Variants in HACD2 observed in about 807,000 individuals in gnomAD.
HACD2 encodes the protein 3-hydroxyacyl-CoA dehydratase 2.
HACD2 carries 15 observed loss-of-function variants against 31.0 expected under a neutral mutation model. The ratio of observed to expected loss-of-function variants is 0.48; its 90% CI spans 0.32 to 0.75. HACD2 has a LOEUF of 0.75. Ranked by LOEUF, HACD2 falls within the 30% of genes least tolerant of loss-of-function variation. The pLI is 0.03. For missense variants in HACD2, 283 were observed against 313.0 expected, an observed-to-expected ratio of 0.90 and a Z score of 0.72; for synonymous variants, 115 against 122.2, an observed-to-expected ratio of 0.94 and a Z score of 0.39.
intron 3 of HACD2, chr3:123,543,796 G>A (rs2056521894): frequency 9.4e-6 from 2 of 212,108 alleles, no homozygotes; most frequent in South Asian, 1.1e-4. Context: ...CAGAATATGG[G>A]GGATTTTTTT....
At chr3:123,502,757 G>A in intron 4 of HACD2, 76 bp from the exon 5 acceptor site, 1 of 1,477,322 alleles carries the variant, frequency 6.8e-7, no homozygotes, top group Non-Finnish European at 9.1e-7. Flanking sequence ...ACCCGGCAGA[G>A]CCAGGGAGTG....
intron 3 of HACD2, among the ~76,000 whole-genome samples, chr3:123,533,763 G>A (rs1302432779): frequency 2.0e-5 from 3 of 152,146 alleles, no homozygotes; most frequent in African/African-American, 4.8e-5. Flanking sequence ...TGTCCCTGGT[G>A]AGCTCACACT....
At chr3:123,562,245 C>T (rs1292573416) in intron 3 of HACD2, among the ~76,000 whole-genome samples, 1 of 152,164 alleles carries the variant, frequency 6.6e-6, no homozygotes, top group Non-Finnish European at 1.5e-5. Context: ...AAACAAACCA[C>T]CTACTTTGAA....
intron 3 of HACD2, 57 bp downstream of exon 3, chr3:123,567,705 G>A: frequency 1.8e-6 from 2 of 1,088,684 alleles, no homozygotes; most frequent in Non-Finnish European, 2.5e-6. Context: ...TATCATCTAT[G>A]ACTTTTTAAA....
intron 5 of HACD2, among the ~76,000 whole-genome samples, chr3:123,501,474 A>C (rs761829507): frequency 2.6e-5 from 4 of 152,244 alleles, no homozygotes; most frequent in African/African-American, 9.6e-5. Context: ...TGTGGCTCAC[A>C]ATGTGCAACG....
intron 3 of HACD2, among the ~76,000 whole-genome samples, chr3:123,533,900 T>C (rs532016894): frequency 1.6e-4 from 24 of 152,346 alleles, no homozygotes; most frequent in Admixed American, 2.6e-4. Flanking sequence ...TTCAGAAAGA[T>C]ATCTCTGTCA....
chr3:123,559,784 T>C (rs1276701603), intron 3 of HACD2, among the ~76,000 whole-genome samples: 1 of 152,204 alleles, frequency 6.6e-6, no homozygotes, highest in Admixed American at 6.5e-5. Context: ...TTCCCTGATC[T>C]GGGCTCTCTT....
At chr3:123,499,979 A>G (rs1026047581) in intron 6 of HACD2, among the ~76,000 whole-genome samples, 1 of 152,220 alleles carries the variant, frequency 6.6e-6, no homozygotes, top group Non-Finnish European at 1.5e-5. Context: ...ACCATCTTGA[A>G]GAGAACACTG....
At chr3:123,535,428 CACA>C (rs2056413582) in intron 3 of HACD2, among the ~76,000 whole-genome samples, 1 of 152,142 alleles carries the variant, frequency 6.6e-6, no homozygotes, top group African/African-American at 2.4e-5. Context: ...AACATTAAAT[CACA>C]ACAACAGCAA....
At position 123,528,424 on chromosome 3, in the gene HACD2, C is replaced by T. The variant is rs755413416; in HGVS notation, c.343G>A (p.Val115Ile). 6 of 1,613,178 alleles carry T rather than the reference C, an allele frequency of 3.7e-6. No homozygotes were observed. The South Asian group carries it at 4.4e-5, about 12-fold the overall frequency. ...TGTGTTACTGCCCATATTAGAAAAA[C>T]TCTTGACATCACCTGGAAAGAAGTC... ...VLTSFQVMSR[V>I]FLIWAVTHSV... Residue 115 changes from valine to isoleucine, a missense_variant, in exon 4 of 7, where the codon GTT (valine) becomes ATT (isoleucine). Transcript: ENST00000383657.
At chr3:123,507,006 C>T (rs2605404) in intron 4 of HACD2, among the ~76,000 whole-genome samples, 79,890 of 151,958 alleles carry the variant, frequency 0.53, 24,572 homozygotes, top group Non-Finnish European at 0.69. Flanking sequence ...GCCTATAATC[C>T]CAGTGTTTTG....
chr3:123,580,189 A>G (rs981424489), intron 2 of HACD2, among the ~76,000 whole-genome samples: 23 of 152,048 alleles, frequency 1.5e-4, no homozygotes, highest in African/African-American at 4.6e-4. Flanking sequence ...GAAAAAAGAA[A>G]GAAAGAAAAA....
intron 3 of HACD2, among the ~76,000 whole-genome samples, chr3:123,536,592 A>G (rs1328813493): frequency 6.6e-6 from 1 of 152,210 alleles, no homozygotes; most frequent in Non-Finnish European, 1.5e-5. Flanking sequence ...TGAAATGAAA[A>G]AACTAAATCT....
chr3:123,530,364 G>A (rs988782125), intron 3 of HACD2, among the ~76,000 whole-genome samples: 3 of 151,080 alleles, frequency 2.0e-5, no homozygotes, highest in African/African-American at 2.4e-5. Context: ...CCATCCTCTC[G>A]CCTCAGCGTC....
chr3:123,567,359 G>T (rs2056802859), intron 3 of HACD2, among the ~76,000 whole-genome samples: 1 of 152,130 alleles, frequency 6.6e-6, no homozygotes, highest in Non-Finnish European at 1.5e-5. Context: ...ATTCACCTGG[G>T]AGGTAGGCAA....
At chr3:123,529,464 C>A (rs184742455) in intron 3 of HACD2, among the ~76,000 whole-genome samples, 1 of 152,250 alleles carries the variant, frequency 6.6e-6, no homozygotes, top group African/African-American at 2.4e-5. Context: ...GTGGCTCACG[C>A]CTGTAATCCC....
At chr3:123,524,155 A>C (rs752628434) in intron 4 of HACD2, among the ~76,000 whole-genome samples, 2 of 152,236 alleles carry the variant, frequency 1.3e-5, no homozygotes, top group Non-Finnish European at 2.9e-5. Flanking sequence ...AATCAAGGGA[A>C]GGTCACAAAA....
At chr3:123,496,756 G>A (rs1477761211) in intron 6 of HACD2, among the ~76,000 whole-genome samples, 1 of 152,242 alleles carries the variant, frequency 6.6e-6, no homozygotes, top group Non-Finnish European at 1.5e-5. Flanking sequence ...TTACTGTAAT[G>A]AAGGGAATCT....
rs1323385296 is a variant in HACD2, at chr3:123,493,398, T to C, written c.*1490A>G. The stretch of plus-strand genomic sequence containing the variant: ...TAGTTTTCCAGTATGAGTTTTCTGA[T>C]ATTCGCAATTATATTTTAAATGACA... On this transcript the variant is annotated 3_prime_UTR_variant, in exon 7 of 7. Coordinates refer to ENST00000383657, the MANE Select transcript of HACD2 (RefSeq NM_198402.5). The C allele has an allele frequency of 6.6e-6, 1 of 152,216 alleles. No homozygotes were observed. Among genetic ancestry groups the C allele is most frequent in the Non-Finnish European group, 1.5e-5 (1 of 68,034 alleles). 9.4% of individuals were successfully genotyped at this position (152,216 alleles called of 1,614,324 possible). A position where few individuals can be genotyped will look rare whatever the true frequency, so the allele number is the denominator to read the frequency against.
Sources: gnomAD v4.1 joint callset for allele counts (sites outside exome capture counted in the v4.1 genomes callset) on GRCh38, gnomAD v4.1.1 for gene constraint, MANE v1.5 for transcripts, NCBI Gene and HGNC (gene_info 2026-07-23, HGNC 2026-07-21) for gene names.